RAB3GAP2: variants seen among roughly 807,000 people sequenced by gnomAD.
The protein encoded by RAB3GAP2 is rab3 GTPase-activating protein non-catalytic subunit.
RAB3GAP2 carries 87 observed loss-of-function variants against 185.3 expected under a neutral mutation model. The ratio of observed to expected loss-of-function variants is 0.47; its 90% CI spans 0.39 to 0.56. RAB3GAP2 has a LOEUF of 0.56. Ranked by LOEUF, RAB3GAP2 falls within the 20% of genes least tolerant of loss-of-function variation. The pLI, the probability that RAB3GAP2 is intolerant of heterozygous loss-of-function variation, is 0.00. For synonymous variants in RAB3GAP2, 554 were observed against 576.1 expected, an observed-to-expected ratio of 0.96 and a Z score of 0.55; for missense variants, 1,492 against 1,638.2, an observed-to-expected ratio of 0.91 and a Z score of 1.54.
intron 8 of RAB3GAP2, among the ~76,000 whole-genome samples, chr1:220,203,978 T>C (rs2102876536): frequency 6.6e-6 from 1 of 152,294 alleles, no homozygotes; most frequent in East Asian, 1.9e-4. Flanking sequence ...AAAAGTCTTA[T>C]AATCAGTGAA....
intron 17 of RAB3GAP2, among the ~76,000 whole-genome samples, chr1:220,187,993 G>A (rs896434749): frequency 1.3e-4 from 19 of 151,740 alleles, no homozygotes; most frequent in Admixed American, 7.2e-4. Context: ...TTAACCTGTC[G>A]TGATGATCTC....
At chr1:220,267,041 G>A (rs1211128316) in intron 1 of RAB3GAP2, 2 of 1,611,522 alleles carry the variant, frequency 1.2e-6, no homozygotes, top group Admixed American at 1.7e-5. Flanking sequence ...AGGTAGTCCA[G>A]GGTGCCACAG....
Position 220,196,324 on chromosome 1 carries a change from T to A in RAB3GAP2, c.886A>T (p.Asn296Tyr). Residue 296 changes from asparagine (N) to tyrosine (Y), a missense_variant, in exon 10 of 35, where the codon AAT becomes TAT. Around this residue, in one of 5 missense-constraint regions of RAB3GAP2, gnomAD observed 243 missense variants for 314.8 expected, o/e 0.77. Coordinates refer to ENST00000358951, the MANE Select transcript of RAB3GAP2 (RefSeq NM_012414.4). ...NIGGFNAAIKNSPPAMSQYIT... is the reference protein window; with the variant it reads ...NIGGFNAAIKYSPPAMSQYIT... The stretch of plus-strand genomic sequence containing the variant: ...TACTGAGACATGGCAGGTGGACTAT[T>A]TTTAATTGCTGCATTAAATCCACCT... 6.2e-7 allele frequency: 1 copy of A among 1,610,078 alleles called. No homozygotes were observed. Among genetic ancestry groups the A allele is most frequent in the Non-Finnish European group, 8.5e-7 (1 of 1,176,404 alleles).
intron 8 of RAB3GAP2, among the ~76,000 whole-genome samples, chr1:220,204,211 T>C (rs1658914904): frequency 6.6e-6 from 1 of 152,176 alleles, no homozygotes; most frequent in Admixed American, 6.5e-5. Flanking sequence ...TTTAGCAGGT[T>C]GGTATGATTG....
At chr1:220,178,070 G>C (rs1432610499) in intron 21 of RAB3GAP2, among the ~76,000 whole-genome samples, 1 of 152,134 alleles carries the variant, frequency 6.6e-6, no homozygotes, top group Non-Finnish European at 1.5e-5. Flanking sequence ...TAACATATAA[G>C]ATAGATCCAA....
intron 33 of RAB3GAP2, among the ~76,000 whole-genome samples, chr1:220,152,158 C>CTCCA (rs1381372828): frequency 6.6e-6 from 1 of 152,206 alleles, no homozygotes; most frequent in Non-Finnish European, 1.5e-5. Context: ...TTACTGCAGC[C>CTCCA]TCCACCTCCT....
At chr1:220,243,054 T>G (rs1338675299) in intron 1 of RAB3GAP2, among the ~76,000 whole-genome samples, 1 of 152,090 alleles carries the variant, frequency 6.6e-6, no homozygotes, top group East Asian at 1.9e-4. Flanking sequence ...CTTTATTTTT[T>G]TAAAAAAAAG....
In RAB3GAP2 at chr1:220,158,766, CT is replaced by C. The variant is rs66796030; in HGVS notation, c.3261+619del. 0.41 allele frequency among the ~76,000 whole-genome samples: 62,416 copies of C among 151,788 alleles called. 15,199 individuals carry two copies. The highest frequency in any genetic ancestry group is 0.66 in the African/African-American group (27,303 of 41,348). On this transcript the variant is annotated intron_variant, in intron 29 of 34. Coordinates refer to ENST00000358951, the MANE Select transcript of RAB3GAP2 (RefSeq NM_012414.4). This position sits in a 1 kb window ranked among gnomAD's most constrained non-coding sequence, Gnocchi z 4.3. ...ATATAATCTTTTTAAAACCAACAAT[CT>C]TATAATTTCCTCACATCCCCAAAGC... is the stretch of plus-strand genomic sequence containing the variant.
At chr1:220,197,010 G>A (rs1466406239) in intron 9 of RAB3GAP2, among the ~76,000 whole-genome samples, 1 of 150,498 alleles carries the variant, frequency 6.6e-6, no homozygotes, top group African/African-American at 2.4e-5. Context: ...TTTTTGAGAT[G>A]GCGTCTCACC....
At chr1:220,172,291 C>A (rs896273420) in intron 22 of RAB3GAP2, among the ~76,000 whole-genome samples, 1 of 152,058 alleles carries the variant, frequency 6.6e-6, no homozygotes, top group Non-Finnish European at 1.5e-5. Context: ...TTCATCATTA[C>A]TGAAAACTGT....
rs540567159 is a variant in RAB3GAP2, at chr1:220,195,856, A to G, written c.960+394T>C. Among the ~76,000 whole-genome samples, 7 of 152,236 alleles carry G rather than the reference A, an allele frequency of 4.6e-5. No homozygotes were observed. In the South Asian group the frequency reaches 1.5e-3, roughly 32 times the overall value. ...TGCCAAATCTAACACTCAACTTTCC[A>G]CTATTTTAGGAAGCAATTTTCACCA... On this transcript the variant is annotated intron_variant, in intron 10 of 34. Coordinates refer to ENST00000358951, the MANE Select transcript of RAB3GAP2 (RefSeq NM_012414.4).
At chr1:220,260,257 A>G (rs1471620327) in intron 1 of RAB3GAP2, among the ~76,000 whole-genome samples, 2 of 152,244 alleles carry the variant, frequency 1.3e-5, no homozygotes, top group African/African-American at 4.8e-5. Context: ...CCAAAGGAAT[A>G]TAAATAATTC....
intron 1 of RAB3GAP2, among the ~76,000 whole-genome samples, chr1:220,260,702 CATATATAACA>C (rs1660118991): frequency 6.6e-6 from 1 of 152,052 alleles, no homozygotes; most frequent in Admixed American, 6.6e-5. Flanking sequence ...CACACATTTA[CATATATAACA>C]AACCTGCACA....
Position 220,195,097 on chromosome 1 carries a change from C to T in RAB3GAP2, c.1111G>A (p.Ala371Thr). 1 of 1,614,130 alleles carries T rather than the reference C, an allele frequency of 6.2e-7. No individual in the cohort carries two copies. Among genetic ancestry groups the T allele is most frequent in the Non-Finnish European group, 8.5e-7 (1 of 1,179,994 alleles). Residue 371 changes from alanine (A) to threonine (T), a missense_variant, in exon 12 of 35, where the codon GCT (alanine) becomes ACT (threonine). Physicochemically the swap from Ala to Thr is moderately conservative, Grantham distance 58. This residue lies in a region of RAB3GAP2 where 243 missense variants were observed against 314.8 expected (regional missense o/e 0.77). Transcript: ENST00000358951. ...VQKQKPKVEP[A>T]TPLAVRFGLP... Reference sequence around the variant, plus strand: ...ACTTGCCTTACAGCTAATGGGGTAGCTGGCTCAACCTTCGGCTTTTGCTTT... The same window carrying T: ...ACTTGCCTTACAGCTAATGGGGTAGTTGGCTCAACCTTCGGCTTTTGCTTT...
chr1:220,162,118 C>A, intron 28 of RAB3GAP2, 80 bp downstream of exon 28: 1 of 1,116,336 alleles, frequency 9.0e-7, no homozygotes. Flanking sequence ...TCTAACAAAG[C>A]CTAATGTGAA....
At chr1:220,184,999 A>G (rs1658483258) in intron 18 of RAB3GAP2, among the ~76,000 whole-genome samples, 1 of 152,174 alleles carries the variant, frequency 6.6e-6, no homozygotes, top group Admixed American at 6.6e-5. Flanking sequence ...GCTGTCTTAC[A>G]CACAACTAAA....
chr1:220,221,059 T>C (rs1571913548), intron 2 of RAB3GAP2, among the ~76,000 whole-genome samples: 1 of 152,348 alleles, frequency 6.6e-6, no homozygotes, highest in East Asian at 1.9e-4. Context: ...TTTTCAGTTA[T>C]TATACCACAA....
Position 220,267,623 on chromosome 1 carries a change from G to C in RAB3GAP2, c.115+4600C>G, listed in dbSNP as rs1660253304. 3.6e-6 allele frequency: 5 copies of C among 1,395,258 alleles called. No individual in the cohort carries two copies. The South Asian group carries it at 5.8e-5, about 16-fold the overall frequency. The allele number at this position is 1,395,258 out of a possible 1,614,324, so 86.4% of individuals were successfully genotyped here. On this transcript the variant is annotated intron_variant, in intron 1 of 34. Transcript: ENST00000358951. Reference sequence around the variant, plus strand: ...CAGGTGCCGACAGCGGGGACTGCTTGCTGTTTTGGGTGTTATTCAGTGGCC... The same window carrying C: ...CAGGTGCCGACAGCGGGGACTGCTTCCTGTTTTGGGTGTTATTCAGTGGCC...
At chr1:220,259,381 G>A (rs1660092533) in intron 1 of RAB3GAP2, among the ~76,000 whole-genome samples, 1 of 152,084 alleles carries the variant, frequency 6.6e-6, no homozygotes, top group Non-Finnish European at 1.5e-5. Flanking sequence ...TAGAAGAACA[G>A]ACACATACAC....
Sources: gnomAD v4.1 joint callset for allele counts (sites outside exome capture counted in the v4.1 genomes callset) on GRCh38, gnomAD v4.1.1 for gene constraint, gnomAD v4.1.1 regional missense constraint, Gnocchi (gnomAD v3.1) non-coding constraint, MANE v1.5 for transcripts, NCBI Gene and HGNC (gene_info 2026-07-23, HGNC 2026-07-21) for gene names.